The following CADM1 variants were observed in gnomAD, a reference collection of about 807,000 sequenced individuals.
CADM1 encodes the protein TSLC-1.
Under a neutral mutation model 53.1 loss-of-function variants are expected in CADM1, and 15 were observed. That is an observed-to-expected ratio of 0.28 (90% CI 0.19 to 0.44). CADM1 has a LOEUF of 0.44. CADM1 is among the 20% of genes least tolerant of loss of function. CADM1 has a pLI of 1.00. For synonymous variants in CADM1, 281 were observed against 243.0 expected, an observed-to-expected ratio of 1.16 and a Z score of -1.45; for missense variants, 434 against 611.3, an observed-to-expected ratio of 0.71 and a Z score of 3.06.
intron 1 of CADM1, among the ~76,000 whole-genome samples, chr11:115,284,112 CTCTGTGTG>C (rs1565343149): frequency 7.7e-6 from 1 of 129,314 alleles, no homozygotes; most frequent in Non-Finnish European, 1.6e-5. Flanking sequence ...CTCTCTCTCT[CTCTGTGTG>C]TGTGTGTGTG....
At chr11:115,383,679 G>C (rs978740247) in intron 1 of CADM1, among the ~76,000 whole-genome samples, 5 of 152,162 alleles carry the variant, frequency 3.3e-5, no homozygotes, top group African/African-American at 1.2e-4. Flanking sequence ...GACTTGCTTA[G>C]AAAATATGCA....
intron 1 of CADM1, among the ~76,000 whole-genome samples, chr11:115,303,233 GA>G (rs1326926438): frequency 8.6e-5 from 13 of 151,964 alleles, no homozygotes; most frequent in Non-Finnish European, 1.8e-4. Context: ...TACTTTTAAG[GA>G]GGCAAAGTAT....
Position 115,494,222 on chromosome 11 carries a change from T to C in CADM1, c.124+10049A>G, listed in dbSNP as rs901569986. Among the ~76,000 whole-genome samples, 14 of 152,292 alleles carry C rather than the reference T, an allele frequency of 9.2e-5. 1 individual carries two copies. Among genetic ancestry groups the C allele is most frequent in the Admixed American group, 3.9e-4 (6 of 15,300 alleles). ...TACAAGTATTCATTGTATTCTTCTT[T>C]CAAGTTGCCTGTGGTTTTGAAATTT... is the stretch of plus-strand genomic sequence containing the variant. On this transcript the variant is annotated intron_variant, in intron 1 of 11. Transcript: ENST00000331581.
chr11:115,365,646 C>T (rs2135108461), intron 1 of CADM1, among the ~76,000 whole-genome samples: 1 of 152,154 alleles, frequency 6.6e-6, no homozygotes, highest in African/African-American at 2.4e-5. Context: ...GATTAACCAA[C>T]TACTAGCATC....
intron 5 of CADM1, among the ~76,000 whole-genome samples, chr11:115,219,354 C>T (rs779106093): frequency 3.3e-5 from 5 of 152,180 alleles, no homozygotes; most frequent in Non-Finnish European, 7.4e-5. Context: ...TAGTCTCTTT[C>T]CTATCACAAA....
At chr11:115,426,223 G>A (rs1041487676) in intron 1 of CADM1, among the ~76,000 whole-genome samples, 3 of 152,222 alleles carry the variant, frequency 2.0e-5, no homozygotes, top group Non-Finnish European at 4.4e-5. Flanking sequence ...CTAGAAAAAT[G>A]TTATATCGCC....
chr11:115,361,201 T>C (rs965069098), intron 1 of CADM1, among the ~76,000 whole-genome samples: 1 of 152,204 alleles, frequency 6.6e-6, no homozygotes, highest in Admixed American at 6.6e-5. Context: ...CGTCAATATC[T>C]AGTGCTTGTC....
At chr11:115,300,856 C>T (rs1300083091) in intron 1 of CADM1, among the ~76,000 whole-genome samples, 1 of 152,042 alleles carries the variant, frequency 6.6e-6, no homozygotes, top group Non-Finnish European at 1.5e-5. Context: ...CATAAAACTA[C>T]ATTTGTCCTA....
chr11:115,218,465 G>A (rs760459822), intron 5 of CADM1, among the ~76,000 whole-genome samples: 17 of 152,126 alleles, frequency 1.1e-4, no homozygotes, highest in African/African-American at 1.4e-4. Context: ...CAGACTGAAT[G>A]ACTTTAAGAA....
Position 115,175,821 on chromosome 11 carries a change from T to C in CADM1, c.*653A>G. On this transcript the variant is annotated 3_prime_UTR_variant, in exon 12 of 12. Coordinates refer to ENST00000331581, the MANE Select transcript of CADM1 (RefSeq NM_001301043.2). Reference sequence around the variant, plus strand: ...CACAGTCTAATTTTCTAGTCTTCACTGCTCTAAGTATTTGAAACATGGGCA... The same window carrying C: ...CACAGTCTAATTTTCTAGTCTTCACCGCTCTAAGTATTTGAAACATGGGCA... 2.0e-6 allele frequency: 2 copies of C among 993,042 alleles called. No individual in the cohort carries two copies. The highest frequency in any genetic ancestry group is 2.4e-6 in the Non-Finnish European group (2 of 834,424). The allele number at this position is 993,042 out of a possible 1,614,324, so 61.5% of individuals were successfully genotyped here.
chr11:115,390,958 T>G (rs1328925103), intron 1 of CADM1, among the ~76,000 whole-genome samples: 2 of 152,192 alleles, frequency 1.3e-5, no homozygotes, highest in Non-Finnish European at 2.9e-5. Context: ...GTGAGGCACA[T>G]TCATAAGAAT....
At chr11:115,180,163 A>G (rs1261512190) in intron 10 of CADM1, among the ~76,000 whole-genome samples, 1 of 152,194 alleles carries the variant, frequency 6.6e-6, no homozygotes, top group African/African-American at 2.4e-5. Context: ...CATGATTTAC[A>G]CTTTCTATCG....
chr11:115,434,422 C>T (rs575759448), intron 1 of CADM1, among the ~76,000 whole-genome samples: 2 of 152,324 alleles, frequency 1.3e-5, no homozygotes, highest in East Asian at 3.9e-4. Context: ...AGTTAATCAG[C>T]CAACTGACTT....
At chr11:115,270,225 G>A (rs1943259599) in intron 1 of CADM1, among the ~76,000 whole-genome samples, 1 of 152,156 alleles carries the variant, frequency 6.6e-6, no homozygotes, top group Non-Finnish European at 1.5e-5. Context: ...TTGATGAATA[G>A]TAGCCTAAAG....
intron 1 of CADM1, among the ~76,000 whole-genome samples, chr11:115,426,449 C>A (rs1222942726): frequency 6.6e-6 from 1 of 152,130 alleles, no homozygotes; most frequent in Non-Finnish European, 1.5e-5. Flanking sequence ...TGTAGCTTGA[C>A]CACTGGCCTT....
chr11:115,317,576 G>A (rs1214287332), intron 1 of CADM1, among the ~76,000 whole-genome samples: 2 of 152,132 alleles, frequency 1.3e-5, no homozygotes, highest in African/African-American at 4.8e-5. Flanking sequence ...CCTCTGACCA[G>A]TTCCCAAGGG....
chr11:115,278,694 G>A (rs1440739943), intron 1 of CADM1, among the ~76,000 whole-genome samples: 2 of 152,194 alleles, frequency 1.3e-5, no homozygotes, highest in Non-Finnish European at 1.5e-5. Flanking sequence ...TGTGTGATAA[G>A]GGTGGGAAAT....
chr11:115,189,137 G>A (rs1383545877), intron 10 of CADM1, among the ~76,000 whole-genome samples: 2 of 151,962 alleles, frequency 1.3e-5, no homozygotes, highest in African/African-American at 4.8e-5. Context: ...TGGGGGAGGG[G>A]GACAACATAA....
At chr11:115,464,204 G>A (rs918554654) in intron 1 of CADM1, among the ~76,000 whole-genome samples, 25 of 152,162 alleles carry the variant, frequency 1.6e-4, no homozygotes, top group Non-Finnish European at 1.3e-4. Context: ...GTTCAAGACA[G>A]GAAATGGATC....
Sources: allele counts gnomAD v4.1 joint callset (sites outside exome capture counted in the v4.1 genomes callset), GRCh38; gene constraint gnomAD v4.1.1; transcripts MANE v1.5; gene names NCBI Gene and HGNC (gene_info 2026-07-23, HGNC 2026-07-21).